Variants in ATG4A observed in about 807,000 individuals in gnomAD.
The protein encoded by ATG4A is autophagy related 4A cysteine peptidase, also known as cysteine protease ATG4A.
A neutral mutation model predicts 38.4 loss-of-function variants in ATG4A; 22 were observed. That is an observed-to-expected ratio of 0.57 (90% confidence interval 0.41 to 0.82). The LOEUF is 0.82. Ranked by LOEUF, ATG4A falls within the 40% of genes least tolerant of loss-of-function variation. ATG4A has a pLI of 0.00. For missense variants in ATG4A, 220 were observed against 290.0 expected (o/e 0.76, Z 1.75); for synonymous variants, 86 against 100.7 (o/e 0.85, Z 0.88).
At chrX:108,142,731 T>C (rs376236001) in intron 9 of ATG4A, among the ~76,000 whole-genome samples, 3 of 111,000 alleles carry the variant, frequency 2.7e-5, no homozygotes, top group East Asian at 5.7e-4. Flanking sequence ...TTCACATTTT[T>C]CTGCCTGCCA....
chrX:108,115,328 C>T (rs2032477441), intron 1 of ATG4A, among the ~76,000 whole-genome samples: 3 of 110,846 alleles, frequency 2.7e-5, no homozygotes, highest in African/African-American at 9.9e-5. Flanking sequence ...ATTTTAAGTG[C>T]ATAGTTCAGT....
chrX:108,137,707 T>TG, intron 7 of ATG4A, 97 bp from the exon 8 acceptor site: 1 of 874,378 alleles, frequency 1.1e-6, no homozygotes, highest in Non-Finnish European at 1.6e-6. Context: ...CTAGGCAGGG[T>TG]GGGGGGCATG....
chrX:108,097,877 T>G (rs1180801438), intron 1 of ATG4A, among the ~76,000 whole-genome samples: 4 of 112,618 alleles, frequency 3.6e-5, no homozygotes, highest in Non-Finnish European at 7.5e-5. Flanking sequence ...CTTACAAATG[T>G]AATTTATGTG....
At chrX:108,135,643 G>A (rs947201862) in intron 6 of ATG4A, among the ~76,000 whole-genome samples, 12 of 111,951 alleles carry the variant, frequency 1.1e-4, no homozygotes, top group African/African-American at 2.9e-4. Flanking sequence ...CTGTATGAAC[G>A]TAGTGTGGAA....
At chrX:108,094,503 CT>C (rs1363787615) in intron 1 of ATG4A, among the ~76,000 whole-genome samples, 1 of 111,196 alleles carries the variant, frequency 9.0e-6, no homozygotes, top group Non-Finnish European at 1.9e-5. Context: ...TCCTTAGCCT[CT>C]TCTGGTTTGT....
chrX:108,110,845 C>G (rs1252440936), intron 1 of ATG4A, among the ~76,000 whole-genome samples: 2 of 111,919 alleles, frequency 1.8e-5, no homozygotes, highest in Non-Finnish European at 3.8e-5. Flanking sequence ...GTCCTTCTGT[C>G]TCTTTGTTTA....
intron 1 of ATG4A, among the ~76,000 whole-genome samples, chrX:108,106,169 C>T (rs1199035456): frequency 9.1e-6 from 1 of 110,307 alleles, no homozygotes; most frequent in African/African-American, 3.3e-5. Flanking sequence ...CTTGAGACTT[C>T]CTCTTTGACC....
chrX:108,109,227 T>C (rs969443962), intron 1 of ATG4A, among the ~76,000 whole-genome samples: 3 of 112,573 alleles, frequency 2.7e-5, no homozygotes, highest in African/African-American at 9.7e-5. Context: ...ATGGTTTTGA[T>C]TTGCATTTCT....
chrX:108,141,010 GTATATATACACA>G (rs2033245160), intron 9 of ATG4A, among the ~76,000 whole-genome samples: 1 of 49,080 alleles, frequency 2.0e-5, no homozygotes, highest in Non-Finnish European at 3.7e-5. Context: ...ATATATATAC[GTATATATACACA>G]TATATATACA....
intron 1 of ATG4A, among the ~76,000 whole-genome samples, chrX:108,099,960 A>C (rs1341549547): frequency 9.0e-6 from 1 of 111,312 alleles, no homozygotes; most frequent in Non-Finnish European, 1.9e-5. Context: ...TTTCCCTATA[A>C]ATTTTAGAAT....
intron 10 of ATG4A, 35 bp downstream of exon 10, chrX:108,150,332 C>G (rs368573262): frequency 8.3e-7 from 1 of 1,207,421 alleles, no homozygotes; most frequent in Non-Finnish European, 1.1e-6. Flanking sequence ...CCAGGAGATA[C>G]GATGTGTACA....
At position 108,154,388 on chromosome X, in the gene ATG4A, A is replaced by C. The variant is rs2033658508; in HGVS notation, c.*676A>C. ...TCCTTAAATCATGATCACTTAAATC[A>C]GGGGTCAGCAAACTTTTTCTGTAAA... On this transcript the variant is annotated 3_prime_UTR_variant, in exon 13 of 13. Coordinates refer to ENST00000372232, the MANE Select transcript of ATG4A (RefSeq NM_052936.5). 1 of 112,325 alleles carries C rather than the reference A, an allele frequency of 8.9e-6. No homozygotes were observed. Among genetic ancestry groups the C allele is most frequent in the African/African-American group, 3.2e-5 (1 of 30,912 alleles). The allele number at this position is 112,325 out of a possible 1,213,427, so 9.3% of individuals were successfully genotyped here.
intron 1 of ATG4A, among the ~76,000 whole-genome samples, chrX:108,096,552 C>T (rs942815061): frequency 7.1e-5 from 8 of 112,213 alleles, no homozygotes; most frequent in Non-Finnish European, 1.3e-4. Context: ...GCATCAAGTA[C>T]TTGGATCTGA....
rs1474192220 is a variant in ATG4A at position 108,113,179 on chromosome X, T to C, written c.11-12898T>C. On this transcript the variant is annotated intron_variant, in intron 1 of 12. Transcript: ENST00000372232. The stretch of plus-strand genomic sequence containing the variant: ...CTAAATCTACAGAAACAAAAACTAC[T>C]GCAGACTTTGAAACCAGGTCACCCT... Among the ~76,000 whole-genome samples the C allele has an allele frequency of 8.9e-5, 10 of 112,065 alleles. No homozygotes were observed. The Admixed American group carries it at 9.4e-4, about 11-fold the overall frequency.
chrX:108,115,826 A>C (rs1357566194), intron 1 of ATG4A, among the ~76,000 whole-genome samples: 1 of 112,523 alleles, frequency 8.9e-6, no homozygotes. Context: ...TTAATGAAGG[A>C]ACTGATGGCT....
upstream of ATG4A, among the ~76,000 whole-genome samples, chrX:108,090,819 T>C (rs2031589869): frequency 8.9e-6 from 1 of 112,740 alleles, no homozygotes; most frequent in East Asian, 2.8e-4. Flanking sequence ...GAAATCCCAC[T>C]CATGCTTCAA....
At chrX:108,103,865 T>G (rs1324000416) in intron 1 of ATG4A, among the ~76,000 whole-genome samples, 1 of 112,620 alleles carries the variant, frequency 8.9e-6, no homozygotes, top group African/African-American at 3.2e-5. Context: ...TACTTTTTTT[T>G]GAGACAGAGT....
Position 108,126,666 on chromosome X carries a change from A to G in ATG4A, c.121+479A>G, listed in dbSNP as rs755074012. 1.3e-5 allele frequency: 10 copies of G among 763,200 alleles called. No individual in the cohort carries two copies. In the African/African-American group the frequency reaches 2.2e-4, roughly 17 times the overall value. The allele number at this position is 763,200 out of a possible 1,213,427, so 62.9% of individuals were successfully genotyped here. ...CAATATCAGACCTAAGTTTTTCTTAAGTTTTAGATCTTTTGCTGACCGTAG... is the reference window on the plus strand; with the variant it reads ...CAATATCAGACCTAAGTTTTTCTTAGGTTTTAGATCTTTTGCTGACCGTAG... On this transcript the variant is annotated intron_variant, in intron 2 of 12. Coordinates refer to ENST00000372232, the MANE Select transcript of ATG4A (RefSeq NM_052936.5).
At chrX:108,129,405 TATACAACAC>T (rs1442526266) in intron 3 of ATG4A, among the ~76,000 whole-genome samples, 2 of 111,206 alleles carry the variant, frequency 1.8e-5, no homozygotes, top group East Asian at 5.6e-4. Context: ...TCATAAAGGA[TATACAACAC>T]ATTTGCAAGT....
Sources: gnomAD v4.1 joint callset for allele counts (sites outside exome capture counted in the v4.1 genomes callset) on GRCh38, gnomAD v4.1.1 for gene constraint, MANE v1.5 for transcripts, NCBI Gene and HGNC (gene_info 2026-07-23, HGNC 2026-07-21) for gene names.